PCDH15: variants seen among roughly 807,000 people sequenced by gnomAD.
The protein encoded by PCDH15 is protocadherin related 15.
Under a neutral mutation model 178.5 loss-of-function variants are expected in PCDH15, and 129 were observed. The observed-to-expected ratio is 0.72, with a 90% CI of 0.63 to 0.84. The LOEUF (loss-of-function observed/expected upper bound fraction) is 0.84, where lower values mean the gene tolerates loss of function less well. Ranked by LOEUF, PCDH15 falls within the 40% of genes least tolerant of loss-of-function variation. The pLI is 0.00. For missense variants in PCDH15, 2,230 were observed against 2,099.9 expected, an observed-to-expected ratio of 1.06 and a Z score of -1.21; for synonymous variants, 800 against 732.0, an observed-to-expected ratio of 1.09 and a Z score of -1.50.
chr10:54,162,946 A>G (rs10509006), intron 13 of PCDH15, among the ~76,000 whole-genome samples: 45,172 of 150,958 alleles, frequency 0.3, 7,070 homozygotes, highest in African/African-American at 0.37. Flanking sequence ...TTGCCTCACC[A>G]GATGTGTTTA....
chr10:55,566,689 AG>A (rs2132105084), intron 2 of PCDH15, among the ~76,000 whole-genome samples: 1 of 151,932 alleles, frequency 6.6e-6, no homozygotes, highest in East Asian at 1.9e-4. Flanking sequence ...AATTTGCAAT[AG>A]CATCAAAAAT....
intron 2 of PCDH15, among the ~76,000 whole-genome samples, chr10:54,922,701 C>A (rs1442802702): frequency 6.6e-6 from 1 of 152,082 alleles, no homozygotes; most frequent in Non-Finnish European, 1.5e-5. Context: ...ACACCACAAT[C>A]TTCTTTCTCA....
chr10:54,633,322 T>C (rs992141027), intron 2 of PCDH15, among the ~76,000 whole-genome samples: 1 of 152,030 alleles, frequency 6.6e-6, no homozygotes, highest in African/African-American at 2.4e-5. Flanking sequence ...GGATGTTGGG[T>C]TGTAGGCAGA....
At chr10:55,223,961 A>C (rs929971432) in intron 1 of PCDH15, among the ~76,000 whole-genome samples, 10 of 152,102 alleles carry the variant, frequency 6.6e-5, no homozygotes, top group African/African-American at 2.4e-4. Flanking sequence ...TCCATAAATA[A>C]ACAAATACAG....
chr10:54,719,066 T>C (rs1169686536), intron 1 of PCDH15, among the ~76,000 whole-genome samples: 2 of 151,794 alleles, frequency 1.3e-5, no homozygotes, highest in Non-Finnish European at 2.9e-5. Context: ...ATTAAAAATA[T>C]TGATTTTAAA....
rs1429785571 is a variant in PCDH15, at chr10:54,195,903, G to A, written c.1099-14C>T. On this transcript the variant is annotated splice_polypyrimidine_tract_variant and intron_variant, in intron 10 of 37. Transcript: ENST00000644397. ...GTCTTGTTCAGCCTAAAATTGAAAA[G>A]AAAAGAAAATATTTAGAAAGTATAT... is the stretch of plus-strand genomic sequence containing the variant. The A allele has an allele frequency of 5.0e-6, 8 of 1,606,218 alleles. No homozygotes were observed. The highest frequency in any genetic ancestry group is 6.0e-6 in the Non-Finnish European group (7 of 1,173,214).
intron 8 of PCDH15, among the ~76,000 whole-genome samples, chr10:54,260,449 A>G (rs1200010151): frequency 1.3e-5 from 2 of 152,082 alleles, no homozygotes; most frequent in Non-Finnish European, 1.5e-5. Flanking sequence ...TATCACTGCC[A>G]ACATTTGTCT....
intron 29 of PCDH15, among the ~76,000 whole-genome samples, chr10:53,835,333 CAGAT>C (rs1455827340): frequency 1.3e-5 from 2 of 151,912 alleles, no homozygotes; most frequent in African/African-American, 4.8e-5. Context: ...GGATATAAGA[CAGAT>C]AAACAAGCTA....
intron 1 of PCDH15, among the ~76,000 whole-genome samples, chr10:54,756,056 A>AACACACACAC (rs71014414): frequency 0.03 from 2,149 of 71,586 alleles, 19 homozygotes; most frequent in Non-Finnish European, 0.042. Context: ...CTCTACTAAA[A>AACACACACAC]ACACACACAC....
intron 2 of PCDH15, among the ~76,000 whole-genome samples, chr10:54,575,486 AATTGT>A: frequency 1.3e-5 from 2 of 152,282 alleles, no homozygotes; most frequent in Middle Eastern, 6.8e-3. Context: ...ATTACAAAGA[AATTGT>A]ATTGTACTCA....
intron 13 of PCDH15, among the ~76,000 whole-genome samples, chr10:54,170,418 C>T (rs1211425818): frequency 6.6e-6 from 1 of 151,960 alleles, no homozygotes; most frequent in Non-Finnish European, 1.5e-5. Context: ...GCTGCCACTG[C>T]ATTAATACTT....
At chr10:54,657,616 A>G (rs2094430123) in intron 2 of PCDH15, among the ~76,000 whole-genome samples, 1 of 152,186 alleles carries the variant, frequency 6.6e-6, no homozygotes, top group African/African-American at 2.4e-5. Context: ...CAATCAAGGA[A>G]CCCATAAAGA....
intron 2 of PCDH15, among the ~76,000 whole-genome samples, chr10:55,022,242 C>A (rs981003250): frequency 6.6e-6 from 1 of 152,018 alleles, no homozygotes; most frequent in Non-Finnish European, 1.5e-5. Flanking sequence ...CACTTGAGAT[C>A]AGGAGTTCAA....
At chr10:54,247,255 A>C (rs1430405864) in intron 8 of PCDH15, among the ~76,000 whole-genome samples, 2 of 151,946 alleles carry the variant, frequency 1.3e-5, no homozygotes, top group Non-Finnish European at 2.9e-5. Flanking sequence ...CCATAGATAA[A>C]ATATTGCACT....
intron 20 of PCDH15, among the ~76,000 whole-genome samples, chr10:54,003,550 T>C (rs181284086): frequency 4.9e-4 from 74 of 151,744 alleles, no homozygotes; most frequent in Non-Finnish European, 8.8e-4. Flanking sequence ...CCCATCAAGA[T>C]TGAACTATGA....
At chr10:54,030,371 CTT>C (rs5785033) in intron 18 of PCDH15, among the ~76,000 whole-genome samples, 19,334 of 143,000 alleles carry the variant, frequency 0.14, 2,026 homozygotes, top group African/African-American at 0.3. Context: ...CAATAGTTGT[CTT>C]TTTTTTTTTT....
At chr10:55,490,604 A>G (rs1000517672) in intron 2 of PCDH15, among the ~76,000 whole-genome samples, 1 of 151,764 alleles carries the variant, frequency 6.6e-6, no homozygotes, top group Non-Finnish European at 1.5e-5. Flanking sequence ...GCTACTCTAG[A>G]CTTTACTTTA....
chr10:54,586,176 G>T (rs767385222), intron 2 of PCDH15, among the ~76,000 whole-genome samples: 2 of 152,116 alleles, frequency 1.3e-5, no homozygotes, highest in African/African-American at 2.4e-5. Context: ...GGGATTTAGG[G>T]AAAGTGGAGT....
chr10:55,501,713 G>T (rs1344476626), intron 2 of PCDH15, among the ~76,000 whole-genome samples: 2 of 151,672 alleles, frequency 1.3e-5, no homozygotes, highest in Admixed American at 6.6e-5. Context: ...TATGTCATTT[G>T]TGCAAATAAT....
Sources: gnomAD v4.1 joint callset for allele counts (sites outside exome capture counted in the v4.1 genomes callset) on GRCh38, gnomAD v4.1.1 for gene constraint, MANE v1.5 for transcripts, NCBI Gene and HGNC (gene_info 2026-07-23, HGNC 2026-07-21) for gene names.